Variants in NFIA observed in about 807,000 individuals in gnomAD.
The protein encoded by NFIA is nuclear factor 1 A-type.
A neutral mutation model predicts 62.8 loss-of-function variants in NFIA; 8 were observed. That is an observed-to-expected ratio of 0.13 (90% CI 0.07 to 0.23). The LOEUF (loss-of-function observed/expected upper bound fraction) is 0.23. NFIA is among the 10% of genes least tolerant of loss of function. The pLI, the probability that NFIA is intolerant of heterozygous loss-of-function variation, is 1.00. For synonymous variants in NFIA, 235 were observed against 238.1 expected (o/e 0.99, Z 0.12); for missense variants, 410 against 642.1 (o/e 0.64, Z 3.91).
At chr1:61,223,049 C>T (rs1388292293) in intron 2 of NFIA, among the ~76,000 whole-genome samples, 2 of 152,008 alleles carry the variant, frequency 1.3e-5, no homozygotes, top group Non-Finnish European at 2.9e-5. Flanking sequence ...TTTACACTAA[C>T]ATTCATTTTT....
At chr1:61,125,707 A>G (rs1051404906) in intron 2 of NFIA, among the ~76,000 whole-genome samples, 2 of 152,240 alleles carry the variant, frequency 1.3e-5, no homozygotes, top group African/African-American at 4.8e-5. Context: ...AAACAAGAGC[A>G]TTCATTCTGG....
At chr1:61,275,407 G>T (rs1432090958) in intron 2 of NFIA, among the ~76,000 whole-genome samples, 1 of 152,086 alleles carries the variant, frequency 6.6e-6, no homozygotes, top group Non-Finnish European at 1.5e-5. Context: ...AAAATTTAGG[G>T]TCTTTCCTGA....
In NFIA at chr1:61,462,417, G is replaced by A. The variant is rs988907068; in HGVS notation, c.*7097G>A. 7 of 152,170 alleles carry A rather than the reference G, an allele frequency of 4.6e-5. No homozygotes were observed. Among genetic ancestry groups the A allele is most frequent in the Admixed American group, 2.6e-4 (4 of 15,284 alleles). The allele number at this position is 152,170 out of a possible 1,614,324, so 9.4% of individuals were successfully genotyped here. On this transcript the variant is annotated 3_prime_UTR_variant, in exon 11 of 11. Coordinates refer to ENST00000403491, the MANE Select transcript of NFIA (RefSeq NM_001134673.4). ...TTTCCATTTCAAATTGTAGGGGGAG[G>A]GGATGGAACACTTCCAGTGATGGTA...
chr1:61,362,059 G>A (rs34203603), intron 6 of NFIA, among the ~76,000 whole-genome samples: 3,254 of 152,232 alleles, frequency 0.021, 55 homozygotes, highest in Non-Finnish European at 0.03. Flanking sequence ...TGTTGCACAT[G>A]TTCTTGGTGA....
chr1:61,242,253 A>G (rs574711961), intron 2 of NFIA, among the ~76,000 whole-genome samples: 42 of 152,240 alleles, frequency 2.8e-4, no homozygotes, highest in African/African-American at 9.6e-4. Flanking sequence ...TCTCCAGGCT[A>G]CACAGGAGAC....
chr1:61,407,263 C>T (rs1284729757), intron 9 of NFIA, among the ~76,000 whole-genome samples: 2 of 152,002 alleles, frequency 1.3e-5, no homozygotes, highest in Non-Finnish European at 2.9e-5. Flanking sequence ...CCCTGGCAGT[C>T]GCATGGTGAG....
chr1:61,086,898 A>G (rs1180254633), intron 1 of NFIA, among the ~76,000 whole-genome samples: 1 of 152,150 alleles, frequency 6.6e-6, no homozygotes, highest in Non-Finnish European at 1.5e-5. Flanking sequence ...GTCCTACACC[A>G]TTTAGCAAAA....
intron 2 of NFIA, among the ~76,000 whole-genome samples, chr1:61,131,054 A>G (rs571453206): frequency 1.3e-5 from 2 of 152,286 alleles, no homozygotes; most frequent in South Asian, 4.1e-4. Context: ...TATGAACTCT[A>G]ATTGCAAAGA....
At chr1:61,265,812 C>T (rs1469090321) in intron 2 of NFIA, among the ~76,000 whole-genome samples, 1 of 152,110 alleles carries the variant, frequency 6.6e-6, no homozygotes, top group African/African-American at 2.4e-5. Context: ...TAGTTTATGG[C>T]CTTCTGTGGT....
intron 2 of NFIA, among the ~76,000 whole-genome samples, chr1:61,263,819 G>T (rs563916394): frequency 6.6e-6 from 1 of 152,124 alleles, no homozygotes; most frequent in Non-Finnish European, 1.5e-5. Context: ...ACGTAGCCCT[G>T]TCTCTACTAA....
intron 2 of NFIA, among the ~76,000 whole-genome samples, chr1:61,227,071 T>C (rs1654379293): frequency 6.6e-6 from 1 of 152,208 alleles, no homozygotes; most frequent in Non-Finnish European, 1.5e-5. Context: ...CATTCACTGG[T>C]GTTGAACCAG....
In NFIA at chr1:61,277,674, T is replaced by C. The variant is rs1323520586; in HGVS notation, c.625+89T>C. ...AGTGTGAGGATTTGGGGGCCTACCC[T>C]ATAAGTAGCCCACAGTAGGAACAAC... On this transcript the variant is annotated intron_variant, in intron 3 of 10. Coordinates refer to ENST00000403491, the MANE Select transcript of NFIA (RefSeq NM_001134673.4). The C allele has an allele frequency of 3.2e-5, 42 of 1,302,048 alleles. No individual in the cohort carries two copies. The Admixed American group carries it at 7.5e-4, about 23-fold the overall frequency. 80.7% of individuals were successfully genotyped at this position (1,302,048 alleles called of 1,614,324 possible). A position where few individuals can be genotyped will look rare whatever the true frequency, so the allele number is the denominator to read the frequency against.
intron 2 of NFIA, among the ~76,000 whole-genome samples, chr1:61,155,313 T>C (rs1298699019): frequency 3.9e-5 from 6 of 152,236 alleles, no homozygotes; most frequent in Admixed American, 2.6e-4. Context: ...TTGTATGTTC[T>C]AGCAATTCTA....
chr1:61,147,018 G>A (rs1205917427), intron 2 of NFIA, among the ~76,000 whole-genome samples: 1 of 152,038 alleles, frequency 6.6e-6, no homozygotes. Context: ...TCTTACGGAT[G>A]GCTCTTTTCA....
chr1:61,240,535 C>T (rs975793171), intron 2 of NFIA, among the ~76,000 whole-genome samples: 2 of 151,064 alleles, frequency 1.3e-5, no homozygotes, highest in African/African-American at 2.4e-5. Context: ...TTTTTTTAAT[C>T]GTAAATATTC....
At chr1:61,363,370 C>T (rs1218689934) in intron 6 of NFIA, among the ~76,000 whole-genome samples, 1 of 152,066 alleles carries the variant, frequency 6.6e-6, no homozygotes, top group Non-Finnish European at 1.5e-5. Context: ...TTTGGGAGGC[C>T]GAGGTGGACG....
chr1:61,246,742 T>C (rs1184404847), intron 2 of NFIA, among the ~76,000 whole-genome samples: 1 of 152,230 alleles, frequency 6.6e-6, no homozygotes, highest in Non-Finnish European at 1.5e-5. Flanking sequence ...ATCAGAAGTA[T>C]AATCATTGTT....
At chr1:61,281,078 A>G in intron 3 of NFIA, among the ~76,000 whole-genome samples, 1 of 152,008 alleles carries the variant, frequency 6.6e-6, no homozygotes, top group Middle Eastern at 3.2e-3. Context: ...CGTCTCTACT[A>G]AAAATACAAA....
In NFIA at chr1:61,295,837, A is replaced by T. The variant is rs548081723; in HGVS notation, c.625+18252A>T. 2.8e-4 allele frequency among the ~76,000 whole-genome samples: 43 copies of T among 152,350 alleles called. No individual in the cohort carries two copies. The South Asian group carries it at 8.5e-3, about 30-fold the overall frequency. On this transcript the variant is annotated intron_variant, in intron 3 of 10. Coordinates refer to ENST00000403491, the MANE Select transcript of NFIA (RefSeq NM_001134673.4). Reference sequence around the variant, plus strand: ...TTGTAATAATTTTGAGTCATTAGGAATTCCTTCATTTCCATCCCAGGTCCC... The same window carrying T: ...TTGTAATAATTTTGAGTCATTAGGATTTCCTTCATTTCCATCCCAGGTCCC...
Sources: allele counts gnomAD v4.1 joint callset (sites outside exome capture counted in the v4.1 genomes callset), GRCh38; gene constraint gnomAD v4.1.1; transcripts MANE v1.5; gene names NCBI Gene and HGNC (gene_info 2026-07-23, HGNC 2026-07-21).